Variants in LYST observed in about 807,000 individuals in gnomAD.
LYST encodes the protein lysosomal-trafficking regulator.
Under a neutral mutation model 413.6 loss-of-function variants are expected in LYST, and 192 were observed. The ratio of observed to expected loss-of-function variants is 0.46; its 90% confidence interval spans 0.41 to 0.52. The LOEUF (loss-of-function observed/expected upper bound fraction) is 0.52. Ranked by LOEUF, LYST falls within the 20% of genes least tolerant of loss-of-function variation. The pLI is 0.00. For missense variants in LYST, 3,815 were observed against 4,499.9 expected, an observed-to-expected ratio of 0.85 and a Z score of 4.35; for synonymous variants, 1,525 against 1,567.3, an observed-to-expected ratio of 0.97 and a Z score of 0.64.
intron 42 of LYST, among the ~76,000 whole-genome samples, chr1:235,714,892 G>C (rs1323712808): frequency 6.6e-6 from 1 of 152,180 alleles, no homozygotes; most frequent in Non-Finnish European, 1.5e-5. Flanking sequence ...TCTTTAAAAA[G>C]TGAACTGCAT....
In LYST at chr1:235,788,466, G is replaced by C. The variant is rs533805253; in HGVS notation, c.4688+235C>G. Among the ~76,000 whole-genome samples, 11 of 152,260 alleles carry C rather than the reference G, an allele frequency of 7.2e-5. No individual in the cohort carries two copies. In the South Asian group the frequency reaches 2.3e-3, roughly 32 times the overall value. ...GCCTCCCAAAGTGCTGGGATTACAG[G>C]CATGAGCCACCACACCCAGCCGAGA... On this transcript the variant is annotated intron_variant, in intron 13 of 52. Coordinates refer to ENST00000389793, the MANE Select transcript of LYST (RefSeq NM_000081.4).
Position 235,697,065 on chromosome 1 carries a change from C to T in LYST, c.10564+18G>A, listed in dbSNP as rs373195142. ...CGAAAGATATATCCAGAATGATCTT[C>T]GTTACATTTTATTTTACCTTGTTCC... On this transcript the variant is annotated intron_variant, in intron 46 of 52. Coordinates refer to ENST00000389793, the MANE Select transcript of LYST (RefSeq NM_000081.4). 51 of 1,606,490 alleles carry T rather than the reference C, an allele frequency of 3.2e-5. No individual in the cohort carries two copies. In the African/African-American group the frequency reaches 3.3e-4, roughly 11 times the overall value.
chr1:235,713,268 T>C (rs773686892), intron 42 of LYST: 83 of 843,094 alleles, frequency 9.8e-5, no homozygotes, highest in Admixed American at 5.0e-4. Context: ...GTAGAAAAAG[T>C]TATCAATCAA....
intron 1 of LYST, among the ~76,000 whole-genome samples, chr1:235,863,334 G>A (rs1680124326): frequency 6.6e-6 from 1 of 151,986 alleles, no homozygotes; most frequent in South Asian, 2.1e-4. Context: ...GGAGGTTGCA[G>A]TGAACCAAGA....
intron 48 of LYST, among the ~76,000 whole-genome samples, chr1:235,678,554 C>T (rs1176970768): frequency 1.3e-5 from 2 of 152,070 alleles, no homozygotes. Context: ...TATCATAAAG[C>T]ATTTCAATAT....
Position 235,810,199 on chromosome 1 carries a change from G to A in LYST, c.619C>T (p.Arg207Cys), listed in dbSNP as rs748789807. The A allele has an allele frequency of 1.5e-5, 25 of 1,613,902 alleles. No homozygotes were observed. The highest frequency in any genetic ancestry group is 1.6e-4 in the Middle Eastern group (1 of 6,084). Residue 207 changes from arginine (R) to cysteine (C), a missense_variant, in exon 5 of 53, where the codon CGC (arginine) becomes TGC (cysteine). Physicochemically the swap from Arg to Cys is radical, Grantham distance 180 (BLOSUM62 -3). This residue lies in a region of LYST where 1,648 missense variants were observed against 1,810.3 expected (regional missense o/e 0.91). Transcript: ENST00000389793. ...KQDHPKAKLD[R>C]LATKEQTPPD... ...GGAGTCTGTTCTTTGGTTGCTAAGC[G>A]GTCAAGTTTAGCTTTGGGGTGGTCT...
chr1:235,732,162 C>T (rs1209538523), intron 34 of LYST, among the ~76,000 whole-genome samples: 1 of 151,754 alleles, frequency 6.6e-6, no homozygotes, highest in Non-Finnish European at 1.5e-5. Context: ...ACAGTATTAT[C>T]TTTATCTCAT....
Position 235,875,321 on chromosome 1 carries a change from G to T in LYST, n.454+7866C>A, listed in dbSNP as rs1681089720. Among the ~76,000 whole-genome samples, 2 of 152,076 alleles carry T rather than the reference G, an allele frequency of 1.3e-5. 1 individual carries two copies. Among genetic ancestry groups the T allele is most frequent in the South Asian group, 4.2e-4 (2 of 4,816 alleles). Reference sequence around the variant, plus strand: ...TTTCCTCCTTTCATTTTTAACTAAGGCATGTTCCATGTTGCTTAAAATGTC... The same window carrying T: ...TTTCCTCCTTTCATTTTTAACTAAGTCATGTTCCATGTTGCTTAAAATGTC... On this transcript the variant is annotated intron_variant and non_coding_transcript_variant, in intron 1 of 11. Transcript: ENST00000465349.
At chr1:235,773,773 A>C (rs974253440) in intron 19 of LYST, 69 bp downstream of exon 19, 6 of 1,292,218 alleles carry the variant, frequency 4.6e-6, no homozygotes, top group Non-Finnish European at 4.5e-6. Context: ...AAAATGCTTA[A>C]GATGGTAAAT....
At chr1:235,785,525 C>T (rs1670326135) in intron 14 of LYST, among the ~76,000 whole-genome samples, 5 of 152,078 alleles carry the variant, frequency 3.3e-5, no homozygotes, top group Admixed American at 3.3e-4. Flanking sequence ...TATGTTATTT[C>T]CATGGTCTAA....
rs1664339121 is a variant in LYST at position 235,731,094 on chromosome 1, A to G, written c.8885T>C (p.Leu2962Ser). The G allele has an allele frequency of 6.2e-7, 1 of 1,613,584 alleles. No homozygotes were observed. Among genetic ancestry groups the G allele is most frequent in the Non-Finnish European group, 8.5e-7 (1 of 1,179,602 alleles). Residue 2962 changes from leucine (L) to serine (S), a missense_variant, in exon 35 of 53, where the codon TTA becomes TCA. Leu to Ser is a moderately radical substitution (Grantham distance 145, BLOSUM62 -2). Coordinates refer to ENST00000389793, the MANE Select transcript of LYST (RefSeq NM_000081.4). ...TGGAATAGTTAAATAACATCTCTGT[A>G]AACGTCTCCTCTCTCGATTTGGCCC... ...TEGPNRERRR[L>S]QRCYLTIPNK...
intron 52 of LYST, 65 bp from the exon 53 acceptor site, chr1:235,663,143 C>A: frequency 8.9e-7 from 1 of 1,118,022 alleles, no homozygotes; most frequent in South Asian, 1.2e-5. Context: ...GCATATTGGT[C>A]ATCATACTGA....
At chr1:235,847,855 T>C (rs956661849) in intron 1 of LYST, among the ~76,000 whole-genome samples, 2 of 152,148 alleles carry the variant, frequency 1.3e-5, no homozygotes, top group African/African-American at 4.8e-5. Flanking sequence ...ATCCTAAACA[T>C]ATATGCACTT....
chr1:235,810,589 T>G, intron 4 of LYST, 55 bp from the exon 5 acceptor site: 1 of 1,490,214 alleles, frequency 6.7e-7, no homozygotes, highest in Non-Finnish European at 9.2e-7. Flanking sequence ...TAAAACTCAA[T>G]TTTAAGGTGA....
intron 1 of LYST, among the ~76,000 whole-genome samples, chr1:235,843,243 A>G (rs1677419148): frequency 6.7e-6 from 1 of 149,704 alleles, no homozygotes; most frequent in South Asian, 2.1e-4. Context: ...CATTAATTCC[A>G]ATATTTATTT....
At chr1:235,757,937 T>G (rs983152725) in intron 23 of LYST, among the ~76,000 whole-genome samples, 3 of 151,544 alleles carry the variant, frequency 2.0e-5, no homozygotes, top group African/African-American at 7.3e-5. Context: ...AGTCTAGGCA[T>G]GTCAGAAAAA....
chr1:235,840,982 C>T (rs940732037), intron 1 of LYST, among the ~76,000 whole-genome samples: 2 of 152,110 alleles, frequency 1.3e-5, no homozygotes, highest in South Asian at 2.1e-4. Context: ...CTGTCACCTG[C>T]GAAGAACACA....
intron 48 of LYST, among the ~76,000 whole-genome samples, chr1:235,685,948 T>C (rs1034976045): frequency 6.6e-6 from 1 of 151,918 alleles, no homozygotes; most frequent in African/African-American, 2.4e-5. Context: ...ACAGATTTAA[T>C]ACTATAAAGA....
chr1:235,746,396 C>T lies in LYST; in HGVS notation c.7912G>A (p.Glu2638Lys), dbSNP rs201320321. The T allele has an allele frequency of 1.2e-6, 2 of 1,613,936 alleles. No homozygotes were observed. Among genetic ancestry groups the T allele is most frequent in the Non-Finnish European group, 1.7e-6 (2 of 1,179,912 alleles). Reference protein sequence around the residue: ...QENPSQATETELAQRLQRLTV... With the variant: ...QENPSQATETKLAQRLQRLTV... ...AGCCTCTGTAGTCTCTGCGCAAGTT[C>T]CGTTTCAGTTGCTTGGCTAGGGTTC... is the stretch of plus-strand genomic sequence containing the variant. The change falls in exon 29 of 53, where the codon GAA becomes AAA. Residue 2638 changes from glutamate (E) to lysine (K), a missense_variant. Glu to Lys is a moderately conservative substitution (Grantham distance 56, BLOSUM62 1). Around this residue, in one of 4 missense-constraint regions of LYST, gnomAD observed 771 missense variants for 837.1 expected, o/e 0.92. Transcript: ENST00000389793.
Sources: gnomAD v4.1 joint callset for allele counts (sites outside exome capture counted in the v4.1 genomes callset) on GRCh38, gnomAD v4.1.1 for gene constraint, gnomAD v4.1.1 regional missense constraint, MANE v1.5 for transcripts, NCBI Gene and HGNC (gene_info 2026-07-23, HGNC 2026-07-21) for gene names.